The following ADAMTSL1 variants were observed in gnomAD, a reference collection of about 807,000 sequenced individuals.
ADAMTSL1 encodes ADAMTS like 1, also known as ADAMTS-like protein 1.
In ADAMTSL1, 126 loss-of-function variants were observed where a neutral mutation model predicts 201.8. That is an observed-to-expected ratio of 0.62 (90% confidence interval 0.54 to 0.72). The LOEUF is 0.72. Among genes scored for constraint, ADAMTSL1 ranks in the 30% least tolerant of loss-of-function variants. The pLI is 0.00. For synonymous variants in ADAMTSL1, 1,121 were observed against 903.4 expected (o/e 1.24, Z -4.32); for missense variants, 2,679 against 2,277.8 (o/e 1.18, Z -3.59).
chr9:18,027,408 G>C (rs949897462), intron 1 of ADAMTSL1, among the ~76,000 whole-genome samples: 14 of 150,638 alleles, frequency 9.3e-5, no homozygotes, highest in African/African-American at 3.2e-4. Flanking sequence ...TTTGTATATT[G>C]TATCTCTGTT....
intron 2 of ADAMTSL1, among the ~76,000 whole-genome samples, chr9:18,531,239 A>C (rs1819424754): frequency 1.3e-5 from 2 of 152,312 alleles, no homozygotes; most frequent in Non-Finnish European, 2.9e-5. Context: ...TGTTCTCAGC[A>C]GTCATGAAAA....
chr9:18,142,518 T>G (rs964525389), intron 1 of ADAMTSL1, among the ~76,000 whole-genome samples: 4 of 152,146 alleles, frequency 2.6e-5, no homozygotes, highest in Admixed American at 6.6e-5. Flanking sequence ...GTCCCTCAGG[T>G]TTTACAGTGG....
At chr9:18,731,478 A>T (rs1251537308) in intron 15 of ADAMTSL1, among the ~76,000 whole-genome samples, 1 of 152,064 alleles carries the variant, frequency 6.6e-6, no homozygotes, top group Non-Finnish European at 1.5e-5. Context: ...AAAAAATACA[A>T]AAATTAGCCG....
At chr9:18,738,248 A>G (rs1165896605) in intron 15 of ADAMTSL1, among the ~76,000 whole-genome samples, 1 of 152,182 alleles carries the variant, frequency 6.6e-6, no homozygotes, top group East Asian at 1.9e-4. Flanking sequence ...CGTTTTCTCT[A>G]TATCTTAGTC....
chr9:18,243,034 A>G (rs1444551182), intron 2 of ADAMTSL1, among the ~76,000 whole-genome samples: 1 of 152,138 alleles, frequency 6.6e-6, no homozygotes, highest in African/African-American at 2.4e-5. Flanking sequence ...AATAGCCAAA[A>G]TGTTTCTGAG....
intron 8 of ADAMTSL1, among the ~76,000 whole-genome samples, 192 bp from the exon 9 acceptor site, chr9:18,661,743 G>A (rs1234344747): frequency 1.3e-5 from 2 of 152,116 alleles, no homozygotes; most frequent in Non-Finnish European, 2.9e-5. Flanking sequence ...GATTTGAGTG[G>A]ATTACTTGAG....
chr9:18,123,934 T>G (rs1825614559), intron 1 of ADAMTSL1, among the ~76,000 whole-genome samples: 1 of 152,214 alleles, frequency 6.6e-6, no homozygotes, highest in African/African-American at 2.4e-5. Flanking sequence ...AGTTTCCAAT[T>G]TGTCCACATT....
intron 15 of ADAMTSL1, among the ~76,000 whole-genome samples, chr9:18,737,319 CAAAAAAA>C (rs59511409): frequency 6.0e-4 from 32 of 53,674 alleles, no homozygotes; most frequent in African/African-American, 2.2e-3. Flanking sequence ...AACTCTGTCT[CAAAAAAA>C]AAAAAAAAAA....
Position 18,622,291 on chromosome 9 carries a change from T to G in ADAMTSL1, c.523T>G (p.Cys175Gly). 1 of 1,614,050 alleles carries G rather than the reference T, an allele frequency of 6.2e-7. No homozygotes were observed. ...GGGAAGCACCGTCAAGGAAGATAAC[T>G]GTGGGGTCTGCAACGGAGATGGGTC... Reference protein sequence around the residue: ...QLGSTVKEDNCGVCNGDGSTC... With the variant: ...QLGSTVKEDNGGVCNGDGSTC... The change falls in exon 5 of 29, where the codon TGT becomes GGT. Residue 175 changes from cysteine (C) to glycine (G), a missense_variant. By Grantham distance (159) the Cys-to-Gly change is radical (BLOSUM62 -3). Transcript: ENST00000380548.
chr9:18,460,433 C>G (rs1460477110), intron 2 of ADAMTSL1, among the ~76,000 whole-genome samples: 1 of 152,082 alleles, frequency 6.6e-6, no homozygotes, highest in African/African-American at 2.4e-5. Context: ...GGGGACTATC[C>G]TCTTTAGTGG....
chr9:18,256,778 C>T (rs1311349900), intron 2 of ADAMTSL1, among the ~76,000 whole-genome samples: 2 of 152,150 alleles, frequency 1.3e-5, no homozygotes, highest in Non-Finnish European at 2.9e-5. Context: ...ATATACAGCC[C>T]GGGTGCTCTG....
At chr9:18,825,784 T>C (rs1023654574) in intron 21 of ADAMTSL1, among the ~76,000 whole-genome samples, 3 of 152,008 alleles carry the variant, frequency 2.0e-5, no homozygotes, top group Non-Finnish European at 4.4e-5. Context: ...TTTTTTTTTT[T>C]ACTTACGGAA....
intron 1 of ADAMTSL1, among the ~76,000 whole-genome samples, chr9:18,016,796 C>G (rs1453388530): frequency 6.6e-6 from 1 of 151,994 alleles, no homozygotes; most frequent in Admixed American, 6.6e-5. Flanking sequence ...AATATGGTCC[C>G]TGCGTTCAGG....
chr9:18,147,677 T>C (rs568138459), intron 1 of ADAMTSL1, among the ~76,000 whole-genome samples: 54 of 152,240 alleles, frequency 3.5e-4, no homozygotes, highest in African/African-American at 1.1e-3. Context: ...TCAATTGTTA[T>C]TTTTTGGCTG....
intron 23 of ADAMTSL1, among the ~76,000 whole-genome samples, chr9:18,874,264 C>T (rs1176068482): frequency 1.3e-5 from 2 of 152,086 alleles, no homozygotes; most frequent in African/African-American, 4.8e-5. Context: ...TTCCTCTTTA[C>T]CGATTTGGAT....
intron 23 of ADAMTSL1, among the ~76,000 whole-genome samples, chr9:18,876,067 T>A (rs1828129688): frequency 6.6e-6 from 1 of 152,146 alleles, no homozygotes; most frequent in Non-Finnish European, 1.5e-5. Flanking sequence ...TACTCCTGCT[T>A]GTTTGGGGTG....
At position 18,746,789 on chromosome 9, in the gene ADAMTSL1, A is replaced by AAT. The variant is rs1270882934; in HGVS notation, c.2007-6508_2007-6507insTA. 1.4e-4 allele frequency among the ~76,000 whole-genome samples: 21 copies of AAT among 152,174 alleles called. 1 individual carries two copies. Among genetic ancestry groups the AAT allele is most frequent in the Admixed American group, 1.2e-3 (18 of 15,282 alleles). Reference sequence around the variant, plus strand: ...CAAAGGAAGGCAAAAAAAAAAAAAAAAAAATTCCTCCTTTTGTATAGCTAA... The same window carrying AAT: ...CAAAGGAAGGCAAAAAAAAAAAAAAAATAAAATTCCTCCTTTTGTATAGCTAA... On this transcript the variant is annotated intron_variant, in intron 15 of 28. Coordinates refer to ENST00000380548, the MANE Select transcript of ADAMTSL1 (RefSeq NM_001040272.6).
intron 1 of ADAMTSL1, among the ~76,000 whole-genome samples, chr9:18,494,369 C>A (rs1822420894): frequency 6.6e-6 from 1 of 150,474 alleles, no homozygotes; most frequent in Non-Finnish European, 1.5e-5. Flanking sequence ...AAAAACCAGG[C>A]CAAGCAGTGA....
chr9:18,648,165 C>G (rs1297655647), intron 7 of ADAMTSL1, among the ~76,000 whole-genome samples: 5 of 140,618 alleles, frequency 3.6e-5, no homozygotes, highest in Non-Finnish European at 7.9e-5. Context: ...CTCTTTTGAT[C>G]TTTGTTGGTT....
Sources: gnomAD v4.1 joint callset for allele counts (sites outside exome capture counted in the v4.1 genomes callset) on GRCh38, gnomAD v4.1.1 for gene constraint, MANE v1.5 for transcripts, NCBI Gene and HGNC (gene_info 2026-07-23, HGNC 2026-07-21) for gene names.